Variants in IQSEC2 observed in about 807,000 individuals in gnomAD.
IQSEC2 encodes IQ motif and SEC7 domain-containing protein 2.
IQSEC2 carries 6 observed loss-of-function variants against 74.6 expected under a neutral mutation model. The observed-to-expected ratio is 0.08, with a 90% CI of 0.04 to 0.16. The LOEUF is 0.16. Among genes scored for constraint, IQSEC2 ranks in the 10% least tolerant of loss-of-function variants. The pLI is 1.00. For synonymous variants in IQSEC2, 494 were observed against 544.5 expected, an observed-to-expected ratio of 0.91 and a Z score of 1.29; for missense variants, 734 against 1,306.2, an observed-to-expected ratio of 0.56 and a Z score of 6.75.
intron 2 of IQSEC2, among the ~76,000 whole-genome samples, chrX:53,280,909 T>G (rs2074948243): frequency 8.9e-6 from 1 of 112,086 alleles, no homozygotes; most frequent in South Asian, 3.7e-4. Context: ...AGAGGCAGAC[T>G]GTGGTCAGGG....
rs2074087722 is a variant in IQSEC2, at chrX:53,234,140, G to A, written c.*79C>T. ...GTGTATATATATTTTTGAAAAAACC[G>A]AGGAAGCAAAGAGGGTGCAAGGTCC... On this transcript the variant is annotated 3_prime_UTR_variant, in exon 15 of 15. Coordinates refer to ENST00000642864, the MANE Select transcript of IQSEC2 (RefSeq NM_001111125.3). The A allele has an allele frequency of 2.8e-5, 11 of 389,457 alleles. No homozygotes were observed. The highest frequency in any genetic ancestry group is 3.8e-5 in the Non-Finnish European group (9 of 236,317). The allele number at this position is 389,457 out of a possible 1,213,427, so 32.1% of individuals were successfully genotyped here.
At chrX:53,300,588 G>A (rs1011366699) in intron 1 of IQSEC2, among the ~76,000 whole-genome samples, 2 of 111,733 alleles carry the variant, frequency 1.8e-5, no homozygotes, top group African/African-American at 6.5e-5. Flanking sequence ...GCTTCCAGGC[G>A]TATGGAGTAA....
At chrX:53,247,981 T>G in intron 7 of IQSEC2, 133 bp downstream of exon 7, 5 of 834,133 alleles carry the variant, frequency 6.0e-6, no homozygotes, top group Non-Finnish European at 8.6e-6. Flanking sequence ...CACAATTGCC[T>G]TGCAAGATAG....
At chrX:53,262,399 T>G (rs2074581326) in intron 2 of IQSEC2, among the ~76,000 whole-genome samples, 1 of 111,853 alleles carries the variant, frequency 8.9e-6, no homozygotes. Context: ...GCTGTTGCCA[T>G]GGATATCATA....
intron 2 of IQSEC2, among the ~76,000 whole-genome samples, chrX:53,280,691 C>CA (rs1222674524): frequency 9.0e-6 from 1 of 111,409 alleles, no homozygotes; most frequent in African/African-American, 3.3e-5. Context: ...CCAAAGACCC[C>CA]TCCACCTCCT....
intron 2 of IQSEC2, among the ~76,000 whole-genome samples, chrX:53,277,355 G>A (rs1415804770): frequency 9.1e-6 from 1 of 110,212 alleles, no homozygotes; most frequent in Non-Finnish European, 1.9e-5. Context: ...GGGATTACAG[G>A]CGCCTGCCAC....
At chrX:53,242,681 T>G (rs920962844) in intron 9 of IQSEC2, among the ~76,000 whole-genome samples, 2 of 111,738 alleles carry the variant, frequency 1.8e-5, no homozygotes, top group African/African-American at 6.5e-5. Flanking sequence ...GCCCAGCAAA[T>G]GCTGGGCTCA....
chrX:53,254,551 A>G lies in IQSEC2; in HGVS notation c.1380T>C (p.Leu460=). 1 of 1,194,218 alleles carries G rather than the reference A, an allele frequency of 8.4e-7. No individual in the cohort carries two copies. Among genetic ancestry groups the G allele is most frequent in the Non-Finnish European group, 1.1e-6 (1 of 888,968 alleles). Reference sequence around the variant, plus strand: ...TGACCTGTTTGGAGAAGGAGTCCTCAAGTTCTGTGATGTCATTAGAAAACT... The same window carrying G: ...TGACCTGTTTGGAGAAGGAGTCCTCGAGTTCTGTGATGTCATTAGAAAACT... ...SGEFSNDITE[L]EDSFSKQVKS... The change falls in exon 4 of 15, where the codon CTT becomes CTC. Residue 460 remains leucine (L), a synonymous_variant. Coordinates refer to ENST00000642864, the MANE Select transcript of IQSEC2 (RefSeq NM_001111125.3).
intron 1 of IQSEC2, among the ~76,000 whole-genome samples, chrX:53,306,941 C>T (rs782039957): frequency 4.5e-5 from 5 of 111,170 alleles, no homozygotes; most frequent in East Asian, 5.7e-4. Flanking sequence ...GGAGGAACCA[C>T]GGCACTGGAC....
chrX:53,315,720 C>G (rs1569339296), intron 1 of IQSEC2, among the ~76,000 whole-genome samples: 1 of 112,348 alleles, frequency 8.9e-6, no homozygotes, highest in Non-Finnish European at 1.9e-5. Context: ...AAAATGTTAG[C>G]TATTATTACA....
chrX:53,315,682 G>A (rs2075363675), intron 1 of IQSEC2, among the ~76,000 whole-genome samples: 1 of 112,344 alleles, frequency 8.9e-6, no homozygotes, highest in Non-Finnish European at 1.9e-5. Flanking sequence ...AGAACAAATA[G>A]TGCTTAGCAC....
In IQSEC2 at chrX:53,243,395, C is replaced by T. The variant is rs1556861352; in HGVS notation, c.2826G>A (p.Arg942=). 3.4e-6 allele frequency: 4 copies of T among 1,168,622 alleles called. No individual in the cohort carries two copies. The South Asian group carries it at 7.6e-5, about 22-fold the overall frequency. ...IYQRIQGREL[R]TNDDHVSQVQ... ...CCTGGGACACATGGTCATCGTTGGT[C>T]CGCAGTTCACGCCCCTGGATGCGCT... Residue 942 remains arginine (R), a synonymous_variant, in exon 9 of 15, where the codon CGG becomes CGA. Coordinates refer to ENST00000642864, the MANE Select transcript of IQSEC2 (RefSeq NM_001111125.3).
At chrX:53,249,448 G>A (rs1160715594) in intron 5 of IQSEC2, among the ~76,000 whole-genome samples, 4 of 111,536 alleles carry the variant, frequency 3.6e-5, no homozygotes, top group Non-Finnish European at 7.5e-5. Flanking sequence ...GTTAAAATTT[G>A]GAAGGGACTG....
intron 2 of IQSEC2, among the ~76,000 whole-genome samples, chrX:53,277,218 CT>C (rs782593191): frequency 4.3e-4 from 44 of 102,720 alleles, no homozygotes; most frequent in Admixed American, 8.4e-4. Context: ...ACCGTCTTTT[CT>C]TTTTTTTTTT....
intron 2 of IQSEC2, among the ~76,000 whole-genome samples, chrX:53,275,318 A>G (rs2074812198): frequency 9.0e-6 from 1 of 110,926 alleles, no homozygotes; most frequent in Non-Finnish European, 1.9e-5. Context: ...ATGTGCCACC[A>G]GGCCCGGCTA....
Position 53,321,260 on chromosome X carries a change from G to A in IQSEC2, c.-137C>T, listed in dbSNP as rs2075430010. On this transcript the variant is annotated 5_prime_UTR_variant, in exon 1 of 15. Transcript: ENST00000642864. ...GCGCACCGGGCTTGAGGGCCCGGGG[G>A]CCCTAGGGGGCCCGGGAGACAGCGC... is the stretch of plus-strand genomic sequence containing the variant. 8.4e-6 allele frequency: 3 copies of A among 358,296 alleles called. No individual in the cohort carries two copies. Among genetic ancestry groups the A allele is most frequent in the Non-Finnish European group, 1.4e-5 (3 of 212,981 alleles). The allele number at this position is 358,296 out of a possible 1,213,427, so 29.5% of individuals were successfully genotyped here.
intron 1 of IQSEC2, among the ~76,000 whole-genome samples, chrX:53,311,725 G>A (rs998583833): frequency 1.8e-5 from 2 of 111,563 alleles, no homozygotes; most frequent in Admixed American, 9.5e-5. Context: ...AGACCAGCCT[G>A]GCCAATATGG....
At chrX:53,307,885 T>TAAAAAA (rs782356115) in intron 1 of IQSEC2, among the ~76,000 whole-genome samples, 1 of 38,146 alleles carries the variant, frequency 2.6e-5, no homozygotes, top group Non-Finnish European at 5.3e-5. Context: ...AGGCCCTGTC[T>TAAAAAA]AAAAAAAAAA....
chrX:53,254,561 A>G lies in IQSEC2; in HGVS notation c.1370T>C (p.Ile457Thr). 3 of 1,193,524 alleles carry G rather than the reference A, an allele frequency of 2.5e-6. No individual in the cohort carries two copies. Among genetic ancestry groups the G allele is most frequent in the Non-Finnish European group, 3.4e-6 (3 of 888,461 alleles). Reference sequence around the variant, plus strand: ...GGAGAAGGAGTCCTCAAGTTCTGTGATGTCATTAGAAAACTCTCCAGATGT... The same window carrying G: ...GGAGAAGGAGTCCTCAAGTTCTGTGGTGTCATTAGAAAACTCTCCAGATGT... ...VTTSGEFSND[I>T]TELEDSFSKQ... Residue 457 changes from isoleucine (I) to threonine (T), a missense_variant, in exon 4 of 15, where the codon ATC (isoleucine) becomes ACC (threonine). Coordinates refer to ENST00000642864, the MANE Select transcript of IQSEC2 (RefSeq NM_001111125.3).
Sources: allele counts gnomAD v4.1 joint callset (sites outside exome capture counted in the v4.1 genomes callset), GRCh38; gene constraint gnomAD v4.1.1; transcripts MANE v1.5; gene names NCBI Gene and HGNC (gene_info 2026-07-23, HGNC 2026-07-21).